SPTLC3: variants seen among roughly 807,000 people sequenced by gnomAD.
The protein encoded by SPTLC3 is serine palmitoyltransferase long chain base subunit 3.
In SPTLC3, 36 loss-of-function variants were observed where a neutral mutation model predicts 59.3. That is an observed-to-expected ratio of 0.61 (90% CI 0.47 to 0.80). SPTLC3 has a LOEUF of 0.80. SPTLC3 is among the 30% of genes least tolerant of loss of function. SPTLC3 has a pLI of 0.00. For synonymous variants in SPTLC3, 257 were observed against 240.8 expected (o/e 1.07, Z -0.62); for missense variants, 625 against 685.1 (o/e 0.91, Z 0.98).
intron 4 of SPTLC3, chr20:13,079,904 A>C: frequency 2.7e-6 from 1 of 369,026 alleles, no homozygotes; most frequent in Non-Finnish European, 5.6e-6. Context: ...CACCTGCCAC[A>C]GCTGTTTGCC....
At chr20:13,060,400 ATTTATTT>A (rs1987917209) in intron 2 of SPTLC3, among the ~76,000 whole-genome samples, 4 of 146,776 alleles carry the variant, frequency 2.7e-5, no homozygotes, top group African/African-American at 1.0e-4. Context: ...TTATTTATTT[ATTTATTT>A]ATTTATTTAT....
At position 13,164,726 on chromosome 20, in the gene SPTLC3, T is replaced by C; in HGVS notation, c.1546-28T>C. The stretch of plus-strand genomic sequence containing the variant: ...GCAGGGCTACTTAGGTGTTCAATGA[T>C]AGCTATTGGAAAGCAATCTCATTGC... On this transcript the variant is annotated intron_variant, in intron 11 of 11. Coordinates refer to ENST00000399002, the MANE Select transcript of SPTLC3 (RefSeq NM_018327.4). The C allele has an allele frequency of 1.9e-6, 3 of 1,572,186 alleles. No homozygotes were observed. In the South Asian group the frequency reaches 3.4e-5, roughly 18 times the overall value.
At chr20:13,148,969 T>A (rs1299166752) in intron 9 of SPTLC3, among the ~76,000 whole-genome samples, 4 of 152,254 alleles carry the variant, frequency 2.6e-5, no homozygotes, top group Non-Finnish European at 5.9e-5. Flanking sequence ...TCCTGTAAGA[T>A]AAGCTTATCT....
At chr20:13,054,513 C>T (rs1329877904) in intron 2 of SPTLC3, among the ~76,000 whole-genome samples, 1 of 151,930 alleles carries the variant, frequency 6.6e-6, no homozygotes, top group Non-Finnish European at 1.5e-5. Flanking sequence ...GGGTTGGTGA[C>T]AAGAGAAAAG....
intron 6 of SPTLC3, among the ~76,000 whole-genome samples, chr20:13,104,380 A>T (rs1207459253): frequency 6.6e-6 from 1 of 152,056 alleles, no homozygotes. Flanking sequence ...GTCTCACGAG[A>T]TCTAATGGTG....
intron 6 of SPTLC3, among the ~76,000 whole-genome samples, chr20:13,100,329 A>G (rs1989558841): frequency 1.3e-5 from 2 of 152,336 alleles, no homozygotes; most frequent in Middle Eastern, 3.4e-3. Flanking sequence ...AGAAGACTAA[A>G]TAGAAGGAAA....
At chr20:13,150,096 A>G (rs950179511) in intron 9 of SPTLC3, among the ~76,000 whole-genome samples, 1 of 152,146 alleles carries the variant, frequency 6.6e-6, no homozygotes, top group Non-Finnish European at 1.5e-5. Flanking sequence ...GTGTGCCTTG[A>G]TTTCCATCAC....
At chr20:13,050,472 T>C (rs1451527938) in intron 2 of SPTLC3, 2 of 152,174 alleles carry the variant, frequency 1.3e-5, no homozygotes, top group Admixed American at 1.3e-4. Flanking sequence ...TCAATGTTCC[T>C]GAGGAAGAAG....
At chr20:13,069,413 G>C (rs1048583337) in intron 2 of SPTLC3, among the ~76,000 whole-genome samples, 1 of 152,096 alleles carries the variant, frequency 6.6e-6, no homozygotes, top group African/African-American at 2.4e-5. Flanking sequence ...TCCACCAAAA[G>C]CCAGGTGGGG....
At chr20:13,030,637 A>C (rs1302098614) in intron 1 of SPTLC3, among the ~76,000 whole-genome samples, 1 of 152,126 alleles carries the variant, frequency 6.6e-6, no homozygotes, top group Admixed American at 6.5e-5. Flanking sequence ...CATGTCAGAC[A>C]CTGTTCTAGG....
chr20:13,160,114 C>T lies in SPTLC3; in HGVS notation c.1527C>T (p.Thr509=), dbSNP rs756390157. 5.0e-6 allele frequency: 8 copies of T among 1,613,758 alleles called. No homozygotes were observed. Among genetic ancestry groups the T allele is most frequent in the African/African-American group, 1.3e-5 (1 of 74,866 alleles). ...RARFCVSAAH[T]REMLDTVLEA... ...GGTTTTGTGTTTCAGCGGCACATAC[C>T]CGGGAGATGTTAGACACGGTGAGTA... The change falls in exon 11 of 12, where the codon ACC becomes ACT. Residue 509 remains threonine (T), a synonymous_variant. Coordinates refer to ENST00000399002, the MANE Select transcript of SPTLC3 (RefSeq NM_018327.4).
chr20:13,088,937 C>T (rs889981501), intron 4 of SPTLC3, among the ~76,000 whole-genome samples: 1 of 152,066 alleles, frequency 6.6e-6, no homozygotes, highest in South Asian at 2.1e-4. Context: ...GCCTAGAACA[C>T]TTGTTTTACT....
At chr20:13,098,850 T>G (rs1409154232) in intron 6 of SPTLC3, among the ~76,000 whole-genome samples, 1 of 152,150 alleles carries the variant, frequency 6.6e-6, no homozygotes, top group Non-Finnish European at 1.5e-5. Context: ...TACAACTGAT[T>G]AATAGTGAAG....
At chr20:13,046,062 T>A (rs1443212088) in intron 1 of SPTLC3, among the ~76,000 whole-genome samples, 1 of 152,180 alleles carries the variant, frequency 6.6e-6, no homozygotes, top group Non-Finnish European at 1.5e-5. Flanking sequence ...GCCAAAGGGG[T>A]TAATTTGCAA....
At chr20:13,083,087 T>C (rs1988893843) in intron 4 of SPTLC3, among the ~76,000 whole-genome samples, 1 of 152,240 alleles carries the variant, frequency 6.6e-6, no homozygotes. Context: ...TCTGATCATC[T>C]TGACACCTGT....
At chr20:13,121,125 T>C (rs1396415628) in intron 8 of SPTLC3, among the ~76,000 whole-genome samples, 2 of 152,156 alleles carry the variant, frequency 1.3e-5, no homozygotes, top group African/African-American at 2.4e-5. Flanking sequence ...GACCCCAAAC[T>C]TTTCCCCAGG....
chr20:13,089,519 C>T (rs1281422068), intron 4 of SPTLC3, among the ~76,000 whole-genome samples: 1 of 152,132 alleles, frequency 6.6e-6, no homozygotes, highest in Non-Finnish European at 1.5e-5. Context: ...GGTGCAGTGG[C>T]TCACGCCTGT....
intron 9 of SPTLC3, among the ~76,000 whole-genome samples, chr20:13,139,754 C>A (rs915132304): frequency 6.6e-6 from 1 of 152,220 alleles, no homozygotes; most frequent in African/African-American, 2.4e-5. Flanking sequence ...CCACCCAGGA[C>A]ATTCTTTCCT....
At chr20:13,149,238 T>C (rs1012476987) in intron 9 of SPTLC3, among the ~76,000 whole-genome samples, 22 of 152,222 alleles carry the variant, frequency 1.4e-4, no homozygotes, top group Non-Finnish European at 2.9e-4. Context: ...AACTACTTAA[T>C]TGGAGACTCT....
Sources: gnomAD v4.1 joint callset for allele counts (sites outside exome capture counted in the v4.1 genomes callset) on GRCh38, gnomAD v4.1.1 for gene constraint, MANE v1.5 for transcripts, NCBI Gene and HGNC (gene_info 2026-07-23, HGNC 2026-07-21) for gene names.